The following HS6ST3 variants were observed in gnomAD, a reference collection of about 807,000 sequenced individuals.
The protein encoded by HS6ST3 is heparan sulfate 6-O-sulfotransferase 3, also known as heparan-sulfate 6-O-sulfotransferase 3.
A neutral mutation model predicts 36.7 loss-of-function variants in HS6ST3; 12 were observed. The ratio of observed to expected loss-of-function variants is 0.33; its 90% CI spans 0.21 to 0.53. HS6ST3 has a LOEUF of 0.53. HS6ST3 is among the 20% of genes least tolerant of loss of function. The pLI, the probability that HS6ST3 is intolerant of heterozygous loss-of-function variation, is 0.95. For synonymous variants in HS6ST3, 240 were observed against 257.5 expected, an observed-to-expected ratio of 0.93 and a Z score of 0.65; for missense variants, 584 against 640.9, an observed-to-expected ratio of 0.91 and a Z score of 0.96.
intron 1 of HS6ST3, among the ~76,000 whole-genome samples, chr13:96,576,101 G>T (rs534666679): frequency 7.5e-4 from 112 of 149,164 alleles, no homozygotes; most frequent in African/African-American, 2.6e-3. Flanking sequence ...GGGAGCGGGG[G>T]CACATGTGAG....
At chr13:96,111,124 C>G (rs907808685) in intron 1 of HS6ST3, among the ~76,000 whole-genome samples, 1 of 152,098 alleles carries the variant, frequency 6.6e-6, no homozygotes, top group African/African-American at 2.4e-5. Flanking sequence ...CAGGATCACT[C>G]CCATGTTCTG....
intron 1 of HS6ST3, among the ~76,000 whole-genome samples, chr13:96,799,822 T>C (rs567259461): frequency 2.7e-5 from 4 of 150,780 alleles, no homozygotes; most frequent in African/African-American, 9.7e-5. Context: ...TGGGCTGAAT[T>C]GTGGTCTTCA....
rs568334435 is a variant in HS6ST3, at chr13:96,128,810, C to T, written c.707+37241C>T. 1.6e-3 allele frequency among the ~76,000 whole-genome samples: 247 copies of T among 151,880 alleles called. 1 individual carries two copies. The highest frequency in any genetic ancestry group is 5.8e-3 in the African/African-American group (239 of 41,390). Reference sequence around the variant, plus strand: ...GTGAATGTGCCTGGGAGATCTTTCCCTTCATCCCAAGAGGTTTATCAAAGT... The same window carrying T: ...GTGAATGTGCCTGGGAGATCTTTCCTTTCATCCCAAGAGGTTTATCAAAGT... On this transcript the variant is annotated intron_variant, in intron 1 of 1. Coordinates refer to ENST00000376705, the MANE Select transcript of HS6ST3 (RefSeq NM_153456.4).
At chr13:96,612,068 G>A (rs1028409560) in intron 1 of HS6ST3, among the ~76,000 whole-genome samples, 1 of 152,174 alleles carries the variant, frequency 6.6e-6, no homozygotes, top group African/African-American at 2.4e-5. Context: ...GGATAAAAGA[G>A]AGAGGAAGAA....
intron 1 of HS6ST3, among the ~76,000 whole-genome samples, chr13:96,529,413 T>C (rs983866712): frequency 6.6e-6 from 1 of 152,144 alleles, no homozygotes; most frequent in African/African-American, 2.4e-5. Context: ...TGGATTCAGA[T>C]ATATTAATAT....
At chr13:96,327,854 C>G (rs1245918481) in intron 1 of HS6ST3, among the ~76,000 whole-genome samples, 1 of 148,606 alleles carries the variant, frequency 6.7e-6, no homozygotes, top group Non-Finnish European at 1.5e-5. Flanking sequence ...CTTTTATTTC[C>G]TTGAGCAGTG....
intron 1 of HS6ST3, among the ~76,000 whole-genome samples, chr13:96,288,979 G>A (rs995455167): frequency 6.6e-6 from 1 of 151,892 alleles, no homozygotes; most frequent in Non-Finnish European, 1.5e-5. Context: ...GATTATAAGA[G>A]AAATATTCAA....
chr13:96,775,780 C>T (rs1362206684), intron 1 of HS6ST3, among the ~76,000 whole-genome samples: 5 of 152,164 alleles, frequency 3.3e-5, no homozygotes, highest in Middle Eastern at 3.4e-3. Context: ...GACAGATCAA[C>T]GAGACATAAA....
intron 1 of HS6ST3, among the ~76,000 whole-genome samples, chr13:96,338,677 G>A (rs1030877916): frequency 6.6e-6 from 1 of 152,156 alleles, no homozygotes; most frequent in Non-Finnish European, 1.5e-5. Context: ...CCTCCTGCCA[G>A]CTTTGGTGTC....
In HS6ST3 at chr13:96,689,052, G is replaced by C. The variant is rs546790988; in HGVS notation, c.708-143438G>C. ...AGTGGATATTGATTCACACTTTATA[G>C]TCTGATTGTGTTCTGCTGTTTATCA... On this transcript the variant is annotated intron_variant, in intron 1 of 1. Transcript: ENST00000376705. 2.6e-5 allele frequency among the ~76,000 whole-genome samples: 4 copies of C among 152,158 alleles called. No individual in the cohort carries two copies. In the East Asian group the frequency reaches 7.7e-4, roughly 29 times the overall value.
chr13:96,136,760 ATGATT>A (rs1232750570), intron 1 of HS6ST3, among the ~76,000 whole-genome samples: 1 of 150,508 alleles, frequency 6.6e-6, no homozygotes, highest in African/African-American at 2.4e-5. Flanking sequence ...ACATATACAA[ATGATT>A]TGATTAGCCT....
chr13:96,476,817 G>A (rs970882992), intron 1 of HS6ST3, among the ~76,000 whole-genome samples: 1 of 152,122 alleles, frequency 6.6e-6, no homozygotes, highest in East Asian at 1.9e-4. Flanking sequence ...GGGAAAAGCT[G>A]TTATAAAAAG....
At chr13:96,675,500 G>T (rs1389655184) in intron 1 of HS6ST3, among the ~76,000 whole-genome samples, 2 of 151,966 alleles carry the variant, frequency 1.3e-5, no homozygotes, top group East Asian at 3.9e-4. Context: ...ATTTCATTGA[G>T]TGTAGGGCTT....
At chr13:96,108,370 C>T (rs185096652) in intron 1 of HS6ST3, among the ~76,000 whole-genome samples, 104 of 152,298 alleles carry the variant, frequency 6.8e-4, no homozygotes, top group Non-Finnish European at 1.2e-3. Flanking sequence ...AGTGACGATG[C>T]GTGCACAGTG....
At chr13:96,470,468 A>G (rs758919726) in intron 1 of HS6ST3, among the ~76,000 whole-genome samples, 10 of 152,062 alleles carry the variant, frequency 6.6e-5, no homozygotes, top group Non-Finnish European at 1.3e-4. Flanking sequence ...TCTGCTCATC[A>G]TCTCCCACAA....
At chr13:96,255,938 C>T (rs1332151137) in intron 1 of HS6ST3, among the ~76,000 whole-genome samples, 1 of 152,182 alleles carries the variant, frequency 6.6e-6, no homozygotes, top group Admixed American at 6.5e-5. Context: ...ATTACCGTTT[C>T]CTTCACAAAT....
At chr13:96,534,133 C>T (rs777729768) in intron 1 of HS6ST3, among the ~76,000 whole-genome samples, 1 of 152,258 alleles carries the variant, frequency 6.6e-6, no homozygotes, top group African/African-American at 2.4e-5. Flanking sequence ...ACTGCCAAGT[C>T]GGTGAGCTGT....
intron 1 of HS6ST3, among the ~76,000 whole-genome samples, chr13:96,514,620 A>C (rs1349135366): frequency 1.3e-5 from 2 of 152,146 alleles, no homozygotes; most frequent in African/African-American, 4.8e-5. Context: ...ACGCCAAGAG[A>C]AGAAAGGAGG....
At chr13:96,666,347 A>G (rs2056664274) in intron 1 of HS6ST3, among the ~76,000 whole-genome samples, 1 of 152,168 alleles carries the variant, frequency 6.6e-6, no homozygotes, top group Non-Finnish European at 1.5e-5. Flanking sequence ...GCAATCACGG[A>G]CAAACCATAT....
Sources: allele counts gnomAD v4.1 joint callset (sites outside exome capture counted in the v4.1 genomes callset), GRCh38; gene constraint gnomAD v4.1.1; transcripts MANE v1.5; gene names NCBI Gene and HGNC (gene_info 2026-07-23, HGNC 2026-07-21).